The following ZNF721 variants were observed in gnomAD, a reference collection of about 807,000 sequenced individuals.
The protein encoded by ZNF721 is zinc finger protein 721.
Under a neutral mutation model 2.4 loss-of-function variants are expected in ZNF721, and 2 were observed. The observed-to-expected ratio is 0.82, with a 90% CI of 0.34 to 2.58. The LOEUF (loss-of-function observed/expected upper bound fraction) is 2.58, where lower values mean the gene tolerates loss of function less well. ZNF721 is among the 30% of genes most tolerant of loss of function. The probability of loss-of-function intolerance (pLI) is 0.11; values close to 1 mark genes in which losing one functional copy is unlikely to be tolerated. For synonymous variants in ZNF721, 398 were observed against 381.8 expected (o/e 1.04, Z -0.50); for missense variants, 1,187 against 1,085.5 (o/e 1.09, Z -1.31).
chr4:447,189 G>T (rs1553864281), intron 2 of ZNF721, among the ~76,000 whole-genome samples: 1 of 151,918 alleles, frequency 6.6e-6, no homozygotes, highest in African/African-American at 2.4e-5. Flanking sequence ...CAGGTGTGGT[G>T]GCAGGCACCG....
chr4:452,785 C>T (rs1041987651), intron 2 of ZNF721, among the ~76,000 whole-genome samples: 14 of 152,274 alleles, frequency 9.2e-5, no homozygotes, highest in African/African-American at 3.1e-4. Context: ...AACAGAGGAC[C>T]TCTGCTTCAA....
chr4:466,391 T>G (rs1341288885), intron 2 of ZNF721, among the ~76,000 whole-genome samples: 1 of 152,242 alleles, frequency 6.6e-6, no homozygotes, highest in Non-Finnish European at 1.5e-5. Context: ...GCTCTCCATC[T>G]TCATTTATGC....
At chr4:478,505 C>A (rs1487600616) in intron 1 of ZNF721, among the ~76,000 whole-genome samples, 1 of 151,988 alleles carries the variant, frequency 6.6e-6, no homozygotes, top group African/African-American at 2.4e-5. Context: ...GGATTACAGG[C>A]ATGAGTCATC....
At chr4:449,163 AAT>A (rs1714570857) in intron 2 of ZNF721, among the ~76,000 whole-genome samples, 1 of 152,178 alleles carries the variant, frequency 6.6e-6, no homozygotes, top group African/African-American at 2.4e-5. Flanking sequence ...TAACAACGTT[AAT>A]ATGACTAAGC....
intron 1 of ZNF721, among the ~76,000 whole-genome samples, chr4:490,503 AAAATT>A (rs1370577799): frequency 1.3e-5 from 2 of 152,062 alleles, no homozygotes; most frequent in African/African-American, 4.8e-5. Context: ...ATAAAAAAAT[AAAATT>A]ATCACAAACA....
rs1553862981 is a variant in ZNF721 at position 440,670 on chromosome 4, TTTA to T, written c.*1022_*1024del. The T allele has an allele frequency of 2.6e-5, 4 of 152,196 alleles. No homozygotes were observed. The East Asian group carries it at 7.7e-4, about 29-fold the overall frequency. The allele number at this position is 152,196 out of a possible 1,614,324, so 9.4% of individuals were successfully genotyped here. The stretch of plus-strand genomic sequence containing the variant: ...AAAATTCTCTGGTGTTTCTTTTCTT[TTTA>T]TCTTGTTTTGAGACAGAGTTTCACT... On this transcript the variant is annotated 3_prime_UTR_variant, in exon 3 of 3. Transcript: ENST00000511833.
intron 2 of ZNF721, among the ~76,000 whole-genome samples, chr4:446,190 T>C (rs1350157900): frequency 3.3e-5 from 5 of 152,118 alleles, no homozygotes; most frequent in African/African-American, 4.8e-5. Flanking sequence ...GAAAAAGATA[T>C]GCACGTACAC....
intron 1 of ZNF721, among the ~76,000 whole-genome samples, chr4:481,140 C>T (rs1553869403): frequency 6.6e-6 from 1 of 152,008 alleles, no homozygotes; most frequent in Non-Finnish European, 1.5e-5. Flanking sequence ...CAGGCTGGAC[C>T]CAAACTCCTG....
intron 2 of ZNF721, among the ~76,000 whole-genome samples, chr4:464,923 CA>C (rs1241774932): frequency 7.8e-4 from 108 of 138,754 alleles, no homozygotes; most frequent in Admixed American, 1.1e-3. Flanking sequence ...ACTAAAAATA[CA>C]AAAAAAAAAA....
chr4:487,083 C>A (rs1192241559), intron 1 of ZNF721, among the ~76,000 whole-genome samples: 1 of 152,162 alleles, frequency 6.6e-6, no homozygotes, highest in Non-Finnish European at 1.5e-5. Context: ...ATACAAGACA[C>A]ATCTACAAGA....
Position 476,623 on chromosome 4 carries a change from G to C in ZNF721, c.-93-3922C>G, listed in dbSNP as rs782563670. Among the ~76,000 whole-genome samples the C allele has an allele frequency of 2.6e-5, 4 of 151,998 alleles. No individual in the cohort carries two copies. The East Asian group carries it at 7.7e-4, about 29-fold the overall frequency. ...TGAGCAGTTGATCTAATTTCTTTCC[G>C]CAATGAGCTTGGCACCACAAGTGCC... On this transcript the variant is annotated intron_variant, in intron 1 of 2. Coordinates refer to ENST00000511833, the MANE Select transcript of ZNF721 (RefSeq NM_133474.4).
chr4:455,468 G>A (rs1553865303), intron 2 of ZNF721, among the ~76,000 whole-genome samples: 1 of 152,178 alleles, frequency 6.6e-6, no homozygotes, highest in African/African-American at 2.4e-5. Context: ...TTGGGAGGCT[G>A]AGGCAGGAGA....
At chr4:472,800 C>G in intron 1 of ZNF721, 99 bp from the exon 2 acceptor site, 11 of 1,498,374 alleles carry the variant, frequency 7.3e-6, no homozygotes, top group African/African-American at 1.4e-5. Flanking sequence ...CTGGGATTAT[C>G]TGATAAAACA....
rs1553863633 is a variant in ZNF721, at chr4:443,389, G to A, written c.1078C>T (p.Pro360Ser). The A allele has an allele frequency of 6.2e-7, 1 of 1,614,032 alleles. No individual in the cohort carries two copies. ...TTGCCACAGTCTTCGCATTTGTAAG[G>A]TTTCTCTCCAGTATGAATTCTCCTA... The part of the protein sequence containing the change: ...VHRRIHTGEK[P>S]YKCEDCGKAF... Residue 360 changes from proline (P) to serine (S), a missense_variant, in exon 3 of 3, where the codon CCT becomes TCT. Transcript: ENST00000511833.
At chr4:497,911 C>CAA (rs200899977) in intron 1 of ZNF721, among the ~76,000 whole-genome samples, 71 of 128,882 alleles carry the variant, frequency 5.5e-4, no homozygotes, top group Non-Finnish European at 7.7e-4. Flanking sequence ...AACAAACCAA[C>CAA]AAAAAAAAAA....
intron 1 of ZNF721, chr4:474,235 A>G (rs573263157): frequency 7.1e-5 from 27 of 379,068 alleles, no homozygotes; most frequent in South Asian, 2.2e-4. Context: ...CTGATTGGAT[A>G]TGGGTCCAGG....
chr4:447,859 T>C (rs1553864377), intron 2 of ZNF721, among the ~76,000 whole-genome samples: 1 of 152,232 alleles, frequency 6.6e-6, no homozygotes, highest in African/African-American at 2.4e-5. Context: ...AATGTGTGTA[T>C]ACATATGTTA....
chr4:486,266 C>T (rs1715895020), intron 1 of ZNF721, among the ~76,000 whole-genome samples: 1 of 150,886 alleles, frequency 6.6e-6, no homozygotes, highest in African/African-American at 2.4e-5. Flanking sequence ...TCACGTGATT[C>T]TCCTGCCTCC....
At chr4:461,594 C>T (rs920485627) in intron 2 of ZNF721, among the ~76,000 whole-genome samples, 2 of 152,166 alleles carry the variant, frequency 1.3e-5, no homozygotes, top group Non-Finnish European at 1.5e-5. Context: ...ATTGGAAAGC[C>T]GGGTGTGGTG....
Sources: gnomAD v4.1 joint callset for allele counts (sites outside exome capture counted in the v4.1 genomes callset) on GRCh38, gnomAD v4.1.1 for gene constraint, MANE v1.5 for transcripts, NCBI Gene and HGNC (gene_info 2026-07-23, HGNC 2026-07-21) for gene names.